The following BAZ1A variants were observed in gnomAD, a reference collection of about 807,000 sequenced individuals.
BAZ1A encodes bromodomain adjacent to zinc finger domain protein 1A.
In BAZ1A, 50 loss-of-function variants were observed where a neutral mutation model predicts 185.2. That is an observed-to-expected ratio of 0.27 (90% confidence interval 0.22 to 0.34). The LOEUF (loss-of-function observed/expected upper bound fraction) is 0.34, where lower values mean the gene tolerates loss of function less well. BAZ1A is among the 10% of genes least tolerant of loss of function. BAZ1A has a pLI of 1.00. For synonymous variants in BAZ1A, 571 were observed against 615.6 expected, an observed-to-expected ratio of 0.93 and a Z score of 1.07; for missense variants, 1,356 against 1,839.9, an observed-to-expected ratio of 0.74 and a Z score of 4.81.
chr14:34,783,789 C>T lies in BAZ1A; in HGVS notation c.1970G>A (p.Arg657Gln), dbSNP rs776209209. Reference sequence around the variant, plus strand: ...GGCAGCTGCTTCTTCCCTCTCTTTTCGATGTTGTTCTGCTTTTAATTCCCG... The same window carrying T: ...GGCAGCTGCTTCTTCCCTCTCTTTTTGATGTTGTTCTGCTTTTAATTCCCG... ...EFRELKAEQH[R>Q]KEREEAAARI... is the part of the protein sequence containing the mutation. Residue 657 changes from arginine (R) to glutamine (Q), a missense_variant, in exon 15 of 27, where the codon CGA (arginine) becomes CAA (glutamine). Physicochemically the swap from Arg to Gln is conservative, Grantham distance 43. This residue lies in a region of BAZ1A where 434 missense variants were observed against 561.7 expected (regional missense o/e 0.77). Coordinates refer to ENST00000360310, the MANE Select transcript of BAZ1A (RefSeq NM_013448.3). 1.2e-6 allele frequency: 2 copies of T among 1,611,068 alleles called. No individual in the cohort carries two copies. Among genetic ancestry groups the T allele is most frequent in the Non-Finnish European group, 1.7e-6 (2 of 1,179,176 alleles).
chr14:34,758,857 A>T lies in BAZ1A; in HGVS notation c.4244-11T>A, dbSNP rs769845406. Reference sequence around the variant, plus strand: ...TCACAGGCGATGGCTCTGAGTAAATAATTACAACATTTTAGGTGATAACAA... The same window carrying T: ...TCACAGGCGATGGCTCTGAGTAAATTATTACAACATTTTAGGTGATAACAA... On this transcript the variant is annotated splice_polypyrimidine_tract_variant and intron_variant, in intron 24 of 26. Coordinates refer to ENST00000360310, the MANE Select transcript of BAZ1A (RefSeq NM_013448.3). 1 of 1,611,876 alleles carries T rather than the reference A, an allele frequency of 6.2e-7. No homozygotes were observed. The highest frequency in any genetic ancestry group is 2.2e-5 in the East Asian group (1 of 44,870).
At chr14:34,846,739 A>G (rs2042518373) in intron 3 of BAZ1A, among the ~76,000 whole-genome samples, 1 of 152,156 alleles carries the variant, frequency 6.6e-6, no homozygotes, top group Admixed American at 6.6e-5. Flanking sequence ...TCCAGGAGCC[A>G]ATTAGGTTGG....
intron 2 of BAZ1A, among the ~76,000 whole-genome samples, chr14:34,871,539 G>C (rs2042948320): frequency 6.6e-6 from 1 of 152,234 alleles, no homozygotes; most frequent in Non-Finnish European, 1.5e-5. Context: ...ATCCTGGCCA[G>C]TCACTGTCTC....
At chr14:34,872,915 A>T (rs2042972143) in intron 2 of BAZ1A, among the ~76,000 whole-genome samples, 1 of 62,010 alleles carries the variant, frequency 1.6e-5, no homozygotes, top group Non-Finnish European at 4.0e-5. Context: ...TAAAATCCTA[A>T]AAAAAAAAAA....
At chr14:34,860,537 C>CAAAAAAAAAAA (rs377519796) in intron 3 of BAZ1A, among the ~76,000 whole-genome samples, 1 of 88,424 alleles carries the variant, frequency 1.1e-5, no homozygotes, top group Non-Finnish European at 2.4e-5. Context: ...AAAAAAAAAG[C>CAAAAAAAAAAA]AAAAAAAAAA....
intron 25 of BAZ1A, among the ~76,000 whole-genome samples, chr14:34,757,947 C>G (rs911410573): frequency 1.3e-4 from 20 of 151,072 alleles, no homozygotes; most frequent in African/African-American, 4.9e-4. Context: ...TGGGGTTTCA[C>G]TGTGTTAGCC....
chr14:34,848,051 G>A (rs1003616623), intron 3 of BAZ1A, among the ~76,000 whole-genome samples: 1 of 151,964 alleles, frequency 6.6e-6, no homozygotes, highest in Non-Finnish European at 1.5e-5. Context: ...TTATAGAGGC[G>A]GGGTTTTGTC....
chr14:34,753,448 A>C lies in BAZ1A; in HGVS notation c.*60T>G. On this transcript the variant is annotated 3_prime_UTR_variant, in exon 27 of 27. Transcript: ENST00000360310. ...GTTATTGCTTTATACAGCATGATTT[A>C]ATGTTCCATTTTCATGAACAATTTG... The C allele has an allele frequency of 6.5e-7, 1 of 1,544,976 alleles. No homozygotes were observed. The highest frequency in any genetic ancestry group is 8.9e-7 in the Non-Finnish European group (1 of 1,122,974).
Position 34,800,284 on chromosome 14 carries a change from A to C in BAZ1A, c.1068T>G (p.Val356=). 6.8e-7 allele frequency: 1 copy of C among 1,462,274 alleles called. No homozygotes were observed. The highest frequency in any genetic ancestry group is 1.4e-5 in the African/African-American group (1 of 69,478). 90.6% of individuals were successfully genotyped at this position (1,462,274 alleles called of 1,614,324 possible). A position where few individuals can be genotyped will look rare whatever the true frequency, so the allele number is the denominator to read the frequency against. The change falls in exon 9 of 27, where the codon GTT becomes GTG. Residue 356 remains valine (V), a synonymous_variant. Coordinates refer to ENST00000360310, the MANE Select transcript of BAZ1A (RefSeq NM_013448.3). ...CTTTTTTCTTTAGTCTCTCTTCTTC[A>C]ACAATTTTTTTCAATTCTTCCCTCT... is the stretch of plus-strand genomic sequence containing the variant. The part of the protein sequence containing the change: ...EKKREELKKI[V]EEERLKKKEE...
At chr14:34,784,409 C>T (rs1295171286) in intron 14 of BAZ1A, among the ~76,000 whole-genome samples, 2 of 143,646 alleles carry the variant, frequency 1.4e-5, no homozygotes, top group South Asian at 2.2e-4. Flanking sequence ...AACTTTGAAT[C>T]CAATTTGCAG....
At chr14:34,777,757 C>A (rs539639594) in intron 17 of BAZ1A, among the ~76,000 whole-genome samples, 2 of 151,998 alleles carry the variant, frequency 1.3e-5, no homozygotes, top group African/African-American at 2.4e-5. Context: ...TTTGGGAGGC[C>A]GAGGTGGCTG....
intron 3 of BAZ1A, among the ~76,000 whole-genome samples, chr14:34,852,043 T>C (rs1339622033): frequency 6.6e-6 from 1 of 151,006 alleles, no homozygotes; most frequent in Non-Finnish European, 1.5e-5. Context: ...AGGAGAATGG[T>C]GTGAACCCGG....
At chr14:34,824,375 T>TA (rs2042131453) in intron 4 of BAZ1A, among the ~76,000 whole-genome samples, 1 of 5,852 alleles carries the variant, frequency 1.7e-4, no homozygotes, top group African/African-American at 8.5e-4. Flanking sequence ...CTCCATCTCT[T>TA]TAAAAAAAAA....
At chr14:34,792,131 C>T (rs956707425) in intron 12 of BAZ1A, among the ~76,000 whole-genome samples, 14 of 152,154 alleles carry the variant, frequency 9.2e-5, no homozygotes, top group Admixed American at 9.2e-4. Context: ...CGCCTGTAAT[C>T]CCAGCACTTT....
intron 18 of BAZ1A, 146 bp downstream of exon 18, chr14:34,775,773 C>A: frequency 1.6e-6 from 1 of 635,052 alleles, no homozygotes; most frequent in Non-Finnish European, 2.7e-6. Context: ...TTCCCAAACT[C>A]TAACTTGCAA....
At chr14:34,823,864 T>C (rs2042122961) in intron 4 of BAZ1A, among the ~76,000 whole-genome samples, 1 of 152,184 alleles carries the variant, frequency 6.6e-6, no homozygotes. Context: ...TGTTTACTTA[T>C]ATTTGTACCT....
intron 2 of BAZ1A, among the ~76,000 whole-genome samples, chr14:34,873,101 G>A (rs2042979064): frequency 6.6e-6 from 1 of 152,000 alleles, no homozygotes; most frequent in South Asian, 2.1e-4. Context: ...CATGTTTAAC[G>A]TGTAACCCTT....
At chr14:34,844,741 G>A (rs1442007543) in intron 3 of BAZ1A, among the ~76,000 whole-genome samples, 2 of 151,012 alleles carry the variant, frequency 1.3e-5, no homozygotes, top group Middle Eastern at 3.4e-3. Flanking sequence ...CTGGGCAACA[G>A]AGTGTGACCC....
intron 3 of BAZ1A, among the ~76,000 whole-genome samples, chr14:34,828,043 C>T (rs924150479): frequency 6.6e-6 from 1 of 152,016 alleles, no homozygotes; most frequent in African/African-American, 2.4e-5. Context: ...ACCTGTAACC[C>T]CAGCACTTTG....
Sources: allele counts gnomAD v4.1 joint callset (sites outside exome capture counted in the v4.1 genomes callset), GRCh38; gene constraint gnomAD v4.1.1; regional missense constraint gnomAD v4.1.1; transcripts MANE v1.5; gene names NCBI Gene and HGNC (gene_info 2026-07-23, HGNC 2026-07-21).